The following STAG1 variants were observed in gnomAD, a reference collection of about 807,000 sequenced individuals.
STAG1 encodes the protein STAG1 cohesin complex component.
A neutral mutation model predicts 170.9 loss-of-function variants in STAG1; 26 were observed. The observed-to-expected ratio is 0.15, with a 90% CI of 0.11 to 0.21. STAG1 has a LOEUF of 0.21. STAG1 is among the 10% of genes least tolerant of loss of function. The pLI, the probability that STAG1 is intolerant of heterozygous loss-of-function variation, is 1.00. For synonymous variants in STAG1, 514 were observed against 497.7 expected (o/e 1.03, Z -0.44); for missense variants, 964 against 1,509.5 (o/e 0.64, Z 5.99).
intron 12 of STAG1, among the ~76,000 whole-genome samples, chr3:136,467,591 A>G (rs1455450218): frequency 6.6e-6 from 1 of 152,170 alleles, no homozygotes. Context: ...TCAACATTAG[A>G]CAGATCGATG....
intron 9 of STAG1, among the ~76,000 whole-genome samples, chr3:136,493,803 AAAGAG>A (rs1471270210): frequency 2.6e-5 from 4 of 152,300 alleles, no homozygotes; most frequent in South Asian, 2.1e-4. Context: ...GAGAAAGACA[AAAGAG>A]AAGACACAAA....
chr3:136,428,887 C>T (rs932426612), intron 16 of STAG1, among the ~76,000 whole-genome samples: 2 of 152,194 alleles, frequency 1.3e-5, no homozygotes, highest in African/African-American at 4.8e-5. Context: ...GTAATCCCCG[C>T]ACTGTGGGAT....
At chr3:136,743,546 G>A (rs1201064822) in intron 1 of STAG1, among the ~76,000 whole-genome samples, 1 of 151,616 alleles carries the variant, frequency 6.6e-6, no homozygotes, top group East Asian at 1.9e-4. Flanking sequence ...GACACAATAT[G>A]AAACAGAAAA....
intron 1 of STAG1, among the ~76,000 whole-genome samples, chr3:136,686,933 C>A (rs1291081062): frequency 1.3e-5 from 2 of 152,044 alleles, no homozygotes; most frequent in Admixed American, 6.6e-5. Context: ...CAGCTACAGA[C>A]CCAATTAGTC....
In STAG1 at chr3:136,521,360, T is replaced by A; in HGVS notation, c.529A>T (p.Asn177Tyr). The A allele has an allele frequency of 6.2e-7, 1 of 1,613,624 alleles. No homozygotes were observed. Among genetic ancestry groups the A allele is most frequent in the African/African-American group, 1.3e-5 (1 of 74,966 alleles). The change falls in exon 7 of 34, where the codon AAC becomes TAC. Residue 177 changes from asparagine (N) to tyrosine (Y), a missense_variant. Asn to Tyr is a moderately radical substitution (Grantham distance 143, BLOSUM62 -2). Around this residue, in one of 11 missense-constraint regions of STAG1, gnomAD observed 40 missense variants for 44.1 expected, o/e 0.91. Transcript: ENST00000383202. ...AGGACTCCAATAAATTCACAAAAGT[T>A]TGAACGAAATTTTTTCCACTGAGGT... Reference protein sequence around the residue: ...PGPQWKKFRSNFCEFIGVLIR... With the variant: ...PGPQWKKFRSYFCEFIGVLIR...
chr3:136,542,731 A>G (rs76195115), intron 5 of STAG1, among the ~76,000 whole-genome samples: 2,433 of 152,184 alleles, frequency 0.016, 65 homozygotes, highest in African/African-American at 0.056. Context: ...AAATAAATAA[A>G]AAGGTGATAT....
At chr3:136,471,079 A>G (rs2089614000) in intron 12 of STAG1, among the ~76,000 whole-genome samples, 1 of 151,320 alleles carries the variant, frequency 6.6e-6, no homozygotes, top group South Asian at 2.1e-4. Flanking sequence ...TACATATGTA[A>G]CAAAGCTGCA....
intron 1 of STAG1, among the ~76,000 whole-genome samples, chr3:136,733,672 C>T (rs1036414567): frequency 6.6e-6 from 1 of 152,196 alleles, no homozygotes; most frequent in African/African-American, 2.4e-5. Flanking sequence ...CATCTGTGAA[C>T]ACATGAGATT....
chr3:136,696,058 A>T (rs1942879739), intron 1 of STAG1, among the ~76,000 whole-genome samples: 1 of 152,242 alleles, frequency 6.6e-6, no homozygotes, highest in South Asian at 2.1e-4. Flanking sequence ...TGGTATGTCT[A>T]AAGAACAAAC....
intron 1 of STAG1, among the ~76,000 whole-genome samples, chr3:136,740,414 A>C (rs1934603872): frequency 6.6e-6 from 1 of 152,356 alleles, no homozygotes; most frequent in African/African-American, 2.4e-5. Flanking sequence ...CCAACATAAC[A>C]ATAACTACCC....
chr3:136,650,478 C>T (rs943759977), intron 1 of STAG1, among the ~76,000 whole-genome samples: 14 of 151,982 alleles, frequency 9.2e-5, no homozygotes, highest in Non-Finnish European at 4.4e-5. Context: ...GCAATAAAAA[C>T]GAAAGATTTT....
intron 7 of STAG1, among the ~76,000 whole-genome samples, chr3:136,505,137 G>A (rs1210552789): frequency 6.6e-6 from 1 of 152,142 alleles, no homozygotes; most frequent in Non-Finnish European, 1.5e-5. Context: ...ACTTATCTCT[G>A]CATAGAATTG....
chr3:136,639,067 TCA>T (rs370462341), intron 1 of STAG1, among the ~76,000 whole-genome samples: 7 of 149,838 alleles, frequency 4.7e-5, no homozygotes, highest in East Asian at 3.9e-4. Context: ...GAGAGAATGC[TCA>T]CACACACACA....
At chr3:136,341,330 A>T in intron 31 of STAG1, 111 bp downstream of exon 31, 1 of 705,712 alleles carries the variant, frequency 1.4e-6, no homozygotes, top group Non-Finnish European at 2.4e-6. Context: ...GCATATCACG[A>T]ATTATAATTT....
At chr3:136,427,014 C>A (rs988987825) in intron 16 of STAG1, among the ~76,000 whole-genome samples, 4 of 150,664 alleles carry the variant, frequency 2.7e-5, no homozygotes, top group African/African-American at 9.8e-5. Flanking sequence ...GAGCCGAGAT[C>A]GCGCCACCGC....
chr3:136,374,179 T>C (rs1161264768), intron 23 of STAG1, among the ~76,000 whole-genome samples: 6 of 152,176 alleles, frequency 3.9e-5, no homozygotes, highest in African/African-American at 1.4e-4. Flanking sequence ...CCTTTTTTTG[T>C]TTTCCATTTG....
chr3:136,639,129 A>G (rs1316853722), intron 1 of STAG1, among the ~76,000 whole-genome samples: 1 of 151,744 alleles, frequency 6.6e-6, no homozygotes, highest in Non-Finnish European at 1.5e-5. Flanking sequence ...TGCATATTAT[A>G]AGAAAAGTGA....
At chr3:136,464,227 C>T (rs1465179190) in intron 13 of STAG1, among the ~76,000 whole-genome samples, 3 of 151,570 alleles carry the variant, frequency 2.0e-5, no homozygotes, top group Non-Finnish European at 2.9e-5. Flanking sequence ...AGTTCGACAC[C>T]GGCCTGACCA....
intron 31 of STAG1, among the ~76,000 whole-genome samples, chr3:136,340,978 G>A (rs1935945169): frequency 6.6e-6 from 1 of 152,154 alleles, no homozygotes; most frequent in Non-Finnish European, 1.5e-5. Flanking sequence ...GCGTGATCTT[G>A]ACTCACTACA....
Sources: allele counts gnomAD v4.1 joint callset (sites outside exome capture counted in the v4.1 genomes callset), GRCh38; gene constraint gnomAD v4.1.1; regional missense constraint gnomAD v4.1.1; transcripts MANE v1.5; gene names NCBI Gene and HGNC (gene_info 2026-07-23, HGNC 2026-07-21).